The following GRID1 variants were observed in gnomAD, a reference collection of about 807,000 sequenced individuals.
GRID1 encodes the protein glutamate receptor ionotropic, delta-1.
In GRID1, 28 loss-of-function variants were observed where a neutral mutation model predicts 98.0. The observed-to-expected ratio is 0.29, with a 90% CI of 0.21 to 0.39. The LOEUF is 0.39. Among genes scored for constraint, GRID1 ranks in the 10% least tolerant of loss-of-function variants. The pLI, the probability that GRID1 is intolerant of heterozygous loss-of-function variation, is 1.00. For synonymous variants in GRID1, 553 were observed against 538.5 expected (o/e 1.03, Z -0.37); for missense variants, 1,111 against 1,340.5 (o/e 0.83, Z 2.67).
chr10:85,964,708 T>C (rs1214001808), intron 4 of GRID1, among the ~76,000 whole-genome samples: 5 of 152,184 alleles, frequency 3.3e-5, no homozygotes, highest in Non-Finnish European at 7.4e-5. Context: ...ACCTAGGCAG[T>C]ACCATTCAGG....
In GRID1 at chr10:86,125,824, T is replaced by G. The variant is rs1387833746; in HGVS notation, c.726+12995A>C. On this transcript the variant is annotated intron_variant, in intron 4 of 15. Coordinates refer to ENST00000327946, the MANE Select transcript of GRID1 (RefSeq NM_017551.3). ...TTCCACTTAATGAGTAGTAAATATA[T>G]TTTCTCTTCCTATGATTTTCTTAAT... 2.6e-5 allele frequency among the ~76,000 whole-genome samples: 4 copies of G among 152,138 alleles called. No individual in the cohort carries two copies. The East Asian group carries it at 5.8e-4, about 22-fold the overall frequency.
chr10:85,789,397 A>G lies in GRID1; in HGVS notation c.1234-59783T>C, dbSNP rs1590232970. Among the ~76,000 whole-genome samples, 3 of 152,268 alleles carry G rather than the reference A, an allele frequency of 2.0e-5. No individual in the cohort carries two copies. In the East Asian group the frequency reaches 5.8e-4, roughly 30 times the overall value. On this transcript the variant is annotated intron_variant, in intron 8 of 15. Coordinates refer to ENST00000327946, the MANE Select transcript of GRID1 (RefSeq NM_017551.3). ...GACCTGTGAGCACTCCAGACTGGGC[A>G]GCACTATCCAGGAGAATCATGGATA... is the stretch of plus-strand genomic sequence containing the variant.
At chr10:86,298,399 T>G (rs570291508) in intron 2 of GRID1, among the ~76,000 whole-genome samples, 1 of 152,312 alleles carries the variant, frequency 6.6e-6, no homozygotes, top group East Asian at 1.9e-4. Flanking sequence ...TCTAATGTAA[T>G]AGCATTTTTG....
At chr10:85,733,224 G>A (rs982988203) in intron 8 of GRID1, among the ~76,000 whole-genome samples, 7 of 152,068 alleles carry the variant, frequency 4.6e-5, no homozygotes, top group Non-Finnish European at 8.8e-5. Flanking sequence ...TCTACTCTTG[G>A]CATAAGTCAG....
intron 4 of GRID1, among the ~76,000 whole-genome samples, chr10:85,981,138 T>G (rs76070967): frequency 0.012 from 1,800 of 152,274 alleles, 41 homozygotes; most frequent in African/African-American, 0.041. Flanking sequence ...AGTTGGGAAC[T>G]GACCAACAGG....
intron 4 of GRID1, among the ~76,000 whole-genome samples, chr10:86,091,140 A>C (rs1482100647): frequency 6.6e-6 from 1 of 152,188 alleles, no homozygotes. Flanking sequence ...ACTCCTGGCC[A>C]GAACTTGGGG....
At chr10:85,741,914 T>C (rs1841947246) in intron 8 of GRID1, among the ~76,000 whole-genome samples, 1 of 152,172 alleles carries the variant, frequency 6.6e-6, no homozygotes, top group Admixed American at 6.5e-5. Flanking sequence ...ACGTTCCCAA[T>C]AAATCTTATC....
At chr10:86,028,988 C>T (rs1843151331) in intron 4 of GRID1, among the ~76,000 whole-genome samples, 1 of 152,156 alleles carries the variant, frequency 6.6e-6, no homozygotes, top group South Asian at 2.1e-4. Flanking sequence ...CAGATCCCTT[C>T]TCCTCCCTTA....
chr10:85,907,887 G>A (rs1841484469), intron 5 of GRID1, among the ~76,000 whole-genome samples: 1 of 152,112 alleles, frequency 6.6e-6, no homozygotes, highest in Admixed American at 6.5e-5. Context: ...TAGAAAATCA[G>A]TCAATGTAAT....
At chr10:85,690,594 A>C (rs892621502) in intron 12 of GRID1, among the ~76,000 whole-genome samples, 1 of 152,186 alleles carries the variant, frequency 6.6e-6, no homozygotes, top group African/African-American at 2.4e-5. Context: ...TCTATCAAAA[A>C]CAAACAAAAA....
chr10:86,270,234 G>C (rs2607857), intron 2 of GRID1, among the ~76,000 whole-genome samples: 1 of 152,078 alleles, frequency 6.6e-6, no homozygotes, highest in African/African-American at 2.4e-5. Flanking sequence ...GTTCCATTCA[G>C]TACCCACTGC....
At chr10:85,901,790 T>A (rs1194465131) in intron 5 of GRID1, among the ~76,000 whole-genome samples, 1 of 152,084 alleles carries the variant, frequency 6.6e-6, no homozygotes, top group African/African-American at 2.4e-5. Flanking sequence ...CCAAAACCCA[T>A]CATCTGTGCA....
chr10:86,345,225 T>G (rs1407070540), intron 2 of GRID1, among the ~76,000 whole-genome samples: 1 of 152,242 alleles, frequency 6.6e-6, no homozygotes, highest in Non-Finnish European at 1.5e-5. Context: ...TGTTATGAAA[T>G]GCAGGTACCC....
chr10:86,025,308 C>T (rs1366961283), intron 4 of GRID1, among the ~76,000 whole-genome samples: 1 of 152,208 alleles, frequency 6.6e-6, no homozygotes, highest in Non-Finnish European at 1.5e-5. Flanking sequence ...TGGTGGTTTG[C>T]TCGTTTCTGA....
At chr10:85,766,676 T>C (rs1048985441) in intron 8 of GRID1, among the ~76,000 whole-genome samples, 1 of 150,430 alleles carries the variant, frequency 6.6e-6, no homozygotes, top group African/African-American at 2.5e-5. Context: ...GATCAAAGAG[T>C]AGCCAAAAAT....
chr10:85,618,313 G>A (rs1436030126), intron 14 of GRID1, among the ~76,000 whole-genome samples: 1 of 152,150 alleles, frequency 6.6e-6, no homozygotes, highest in Admixed American at 6.5e-5. Context: ...TTGGCCCCAT[G>A]GGCTCTCTTA....
intron 2 of GRID1, among the ~76,000 whole-genome samples, chr10:86,344,348 G>A (rs1052181989): frequency 1.1e-4 from 16 of 152,198 alleles, no homozygotes; most frequent in African/African-American, 3.6e-4. Flanking sequence ...GCACTGACTC[G>A]CACAGCCAAT....
chr10:86,341,946 AT>A (rs1298881299), intron 2 of GRID1, among the ~76,000 whole-genome samples: 1 of 152,092 alleles, frequency 6.6e-6, no homozygotes, highest in Non-Finnish European at 1.5e-5. Flanking sequence ...AGGGATTGGG[AT>A]TTTTAGGGCA....
At chr10:85,863,466 A>G (rs1843185495) in intron 6 of GRID1, among the ~76,000 whole-genome samples, 1 of 152,210 alleles carries the variant, frequency 6.6e-6, no homozygotes, top group Admixed American at 6.5e-5. Flanking sequence ...TGTCTTGTGC[A>G]GAAGGGAATT....
Sources: allele counts gnomAD v4.1 joint callset (sites outside exome capture counted in the v4.1 genomes callset), GRCh38; gene constraint gnomAD v4.1.1; transcripts MANE v1.5; gene names NCBI Gene and HGNC (gene_info 2026-07-23, HGNC 2026-07-21).